The following HIVEP3 variants were observed in gnomAD, a reference collection of about 807,000 sequenced individuals.
HIVEP3 encodes HIVEP zinc finger 3, also known as transcription factor HIVEP3.
A neutral mutation model predicts 152.8 loss-of-function variants in HIVEP3; 49 were observed. The ratio of observed to expected loss-of-function variants is 0.32; its 90% CI spans 0.26 to 0.41. The LOEUF (loss-of-function observed/expected upper bound fraction) is 0.41. Ranked by LOEUF, HIVEP3 falls within the 10% of genes least tolerant of loss-of-function variation. The pLI is 1.00. For synonymous variants in HIVEP3, 1,269 were observed against 1,289.0 expected, an observed-to-expected ratio of 0.98 and a Z score of 0.33; for missense variants, 2,790 against 3,103.3, an observed-to-expected ratio of 0.90 and a Z score of 2.40.
intron 1 of HIVEP3, among the ~76,000 whole-genome samples, chr1:41,790,933 C>T (rs186392838): frequency 6.6e-6 from 1 of 152,242 alleles, no homozygotes; most frequent in East Asian, 1.9e-4. Context: ...ATAGACTGAT[C>T]TTGCAAAAAC....
In HIVEP3 at chr1:41,709,766, C is replaced by T. The variant is rs147837821; in HGVS notation, c.-800-8771G>A. ...AGTCACTGACACGGCAAAGTTTAGG[C>T]GAGGGTGCAGCTCAGTAACCCCCGC... On this transcript the variant is annotated intron_variant, in intron 1 of 8. Coordinates refer to ENST00000372583, the MANE Select transcript of HIVEP3 (RefSeq NM_024503.5). 3.1e-4 allele frequency among the ~76,000 whole-genome samples: 47 copies of T among 152,240 alleles called. No homozygotes were observed. The East Asian group carries it at 3.7e-3, about 12-fold the overall frequency.
intron 5 of HIVEP3, among the ~76,000 whole-genome samples, chr1:41,529,802 A>G (rs1643186421): frequency 7.2e-6 from 1 of 139,530 alleles, no homozygotes; most frequent in South Asian, 2.4e-4. Context: ...ACATACACAT[A>G]ACCCCACAAT....
chr1:41,608,720 C>T (rs11801894), intron 3 of HIVEP3, among the ~76,000 whole-genome samples: 4,057 of 152,262 alleles, frequency 0.027, 191 homozygotes, highest in African/African-American at 0.092. Flanking sequence ...GGAATGTTTC[C>T]GTCCCACGGA....
At chr1:41,941,194 G>A (rs1645044050) in intron 1 of HIVEP3, among the ~76,000 whole-genome samples, 1 of 152,172 alleles carries the variant, frequency 6.6e-6, no homozygotes, top group South Asian at 2.1e-4. Context: ...ACTGTGAAGG[G>A]AAGCAAAGGA....
chr1:41,817,269 G>C (rs1236418255), intron 1 of HIVEP3, among the ~76,000 whole-genome samples: 4 of 152,194 alleles, frequency 2.6e-5, no homozygotes, highest in Admixed American at 1.3e-4. Context: ...AAAGTAGCTA[G>C]GTCAGGACAA....
intron 1 of HIVEP3, chr1:41,865,682 G>A (rs11210535): frequency 0.54 from 82,104 of 152,070 alleles, 22,285 homozygotes; most frequent in South Asian, 0.64. Context: ...TTGGAATACA[G>A]CTTGTGAATT....
intron 2 of HIVEP3, among the ~76,000 whole-genome samples, chr1:41,695,040 G>A (rs1242124146): frequency 1.3e-5 from 2 of 152,222 alleles, no homozygotes; most frequent in African/African-American, 4.8e-5. Flanking sequence ...ACTAAACCAA[G>A]ACAGTCCCTA....
chr1:41,651,700 T>C (rs6701758), intron 2 of HIVEP3, among the ~76,000 whole-genome samples: 10,950 of 152,274 alleles, frequency 0.072, 700 homozygotes, highest in African/African-American at 0.17. Flanking sequence ...TATGCATTTA[T>C]AATTTTCATT....
chr1:41,687,219 C>A lies in HIVEP3; in HGVS notation c.-721+13697G>T, dbSNP rs193094375. Among the ~76,000 whole-genome samples the A allele has an allele frequency of 3.9e-3, 590 of 152,288 alleles. 5 individuals are homozygous for A. Among genetic ancestry groups the A allele is most frequent in the African/African-American group, 0.014 (577 of 41,554 alleles). ...GTACACAGTCCAGAGGATATGGGGG[C>A]AAGAAAATCACTGGGGCTGTGAAGG... On this transcript the variant is annotated intron_variant, in intron 2 of 8. Coordinates refer to ENST00000372583, the MANE Select transcript of HIVEP3 (RefSeq NM_024503.5).
At position 41,719,620 on chromosome 1, in the gene HIVEP3, C is replaced by T. The variant is rs534057306; in HGVS notation, c.-800-18625G>A. On this transcript the variant is annotated intron_variant, in intron 1 of 8. Coordinates refer to ENST00000372583, the MANE Select transcript of HIVEP3 (RefSeq NM_024503.5). ...TCACTCAGGGACGTCCCTGTCCCCA[C>T]CATGAAGTCTTAGGCTCATTGGAAA... 1.3e-3 allele frequency among the ~76,000 whole-genome samples: 193 copies of T among 152,326 alleles called. 1 individual carries two copies. The highest frequency in any genetic ancestry group is 1.3e-3 in the Non-Finnish European group (91 of 68,018).
At chr1:41,779,106 C>A (rs1648884161) in intron 1 of HIVEP3, among the ~76,000 whole-genome samples, 1 of 152,220 alleles carries the variant, frequency 6.6e-6, no homozygotes, top group Non-Finnish European at 1.5e-5. Flanking sequence ...TGCTTCCTGC[C>A]CTCCAACCCA....
At chr1:41,563,612 A>G (rs1358613217) in intron 5 of HIVEP3, among the ~76,000 whole-genome samples, 1 of 152,172 alleles carries the variant, frequency 6.6e-6, no homozygotes, top group Non-Finnish European at 1.5e-5. Context: ...TCGCCGTCAA[A>G]GAGCCTCACT....
intron 6 of HIVEP3, among the ~76,000 whole-genome samples, chr1:41,519,400 A>G (rs1642698277): frequency 1.3e-5 from 2 of 152,194 alleles, no homozygotes; most frequent in South Asian, 4.1e-4. Context: ...CAGGCCACAC[A>G]GCTCTGTGGA....
intron 5 of HIVEP3, among the ~76,000 whole-genome samples, chr1:41,541,337 T>C (rs1643526536): frequency 6.6e-6 from 1 of 152,110 alleles, no homozygotes; most frequent in Non-Finnish European, 1.5e-5. Context: ...TCAAAGTGGG[T>C]TTTCCTTGCA....
intron 1 of HIVEP3, among the ~76,000 whole-genome samples, chr1:41,993,978 C>T (rs888463778): frequency 7.9e-6 from 1 of 125,990 alleles, no homozygotes; most frequent in African/African-American, 3.1e-5. Context: ...GGAAGGGGAA[C>T]ATCACACTCT....
At chr1:41,599,600 C>A (rs569170997) in intron 3 of HIVEP3, among the ~76,000 whole-genome samples, 1 of 152,148 alleles carries the variant, frequency 6.6e-6, no homozygotes, top group South Asian at 2.1e-4. Context: ...GAATCAAAGA[C>A]CTAAACTCAG....
At chr1:41,831,087 A>C (rs1642950843) in intron 1 of HIVEP3, among the ~76,000 whole-genome samples, 1 of 152,112 alleles carries the variant, frequency 6.6e-6, no homozygotes, top group Non-Finnish European at 1.5e-5. Context: ...TCACTCTCAC[A>C]TGAGGATGTG....
intron 1 of HIVEP3, among the ~76,000 whole-genome samples, chr1:41,871,945 C>T (rs783426): frequency 0.87 from 132,196 of 152,206 alleles, 57,722 homozygotes; most frequent in East Asian, 1. Context: ...GTTAGTTTTC[C>T]TTATAAAAAT....
intron 1 of HIVEP3, among the ~76,000 whole-genome samples, chr1:41,878,276 C>T (rs907493554): frequency 4.6e-5 from 7 of 152,124 alleles, no homozygotes; most frequent in Middle Eastern, 3.2e-3. Flanking sequence ...AAACTTTGCT[C>T]TAAAACACAT....
Sources: gnomAD v4.1 joint callset for allele counts (sites outside exome capture counted in the v4.1 genomes callset) on GRCh38, gnomAD v4.1.1 for gene constraint, MANE v1.5 for transcripts, NCBI Gene and HGNC (gene_info 2026-07-23, HGNC 2026-07-21) for gene names.